WDR77: variants seen among roughly 807,000 people sequenced by gnomAD.
The protein encoded by WDR77 is methylosome protein WDR77.
In WDR77, 31 loss-of-function variants were observed where a neutral mutation model predicts 44.0. That is an observed-to-expected ratio of 0.70 (90% CI 0.53 to 0.95). The LOEUF is 0.95. Among genes scored for constraint, WDR77 ranks in the 40% least tolerant of loss-of-function variants. WDR77 has a pLI of 0.00. For synonymous variants in WDR77, 186 were observed against 165.7 expected (o/e 1.12, Z -0.94); for missense variants, 390 against 423.9 (o/e 0.92, Z 0.70).
chr1:111,449,154 G>A lies in WDR77; in HGVS notation c.16C>T (p.Pro6Ser). 4 of 1,586,240 alleles carry A rather than the reference G, an allele frequency of 2.5e-6. No homozygotes were observed. Among genetic ancestry groups the A allele is most frequent in the Non-Finnish European group, 3.4e-6 (4 of 1,172,160 alleles). MRKETPPPLVPPAARE... is the reference protein window; with the variant it reads MRKETSPPLVPPAARE... ...GCCGCCGGGGGCACTAGGGGGGGTG[G>A]GGTTTCCTTCCGCATCTCCACGGTT... is the stretch of plus-strand genomic sequence containing the variant. Residue 6 changes from proline to serine, a missense_variant, in exon 1 of 10, where the codon CCA (proline) becomes TCA (serine). Physicochemically the swap from Pro to Ser is moderately conservative, Grantham distance 74. Transcript: ENST00000235090.
chr1:111,446,051 G>A (rs771049784), intron 4 of WDR77, among the ~76,000 whole-genome samples: 4 of 152,214 alleles, frequency 2.6e-5, no homozygotes, highest in African/African-American at 4.8e-5. Context: ...GATTACAGGC[G>A]TTAAGCCACT....
chr1:111,441,225 C>A lies in WDR77; in HGVS notation c.*5G>T. 6.7e-7 allele frequency: 1 copy of A among 1,496,024 alleles called. No individual in the cohort carries two copies. Among genetic ancestry groups the A allele is most frequent in the Non-Finnish European group, 8.9e-7 (1 of 1,119,326 alleles). The allele number at this position is 1,496,024 out of a possible 1,614,324, so 92.7% of individuals were successfully genotyped here. On this transcript the variant is annotated 3_prime_UTR_variant, in exon 10 of 10. Transcript: ENST00000235090. ...GGGGGACTTGCTTTTTGTCTTAAATCCAATCTACTCAGTAACACTTGCAGG... is the reference window on the plus strand; with the variant it reads ...GGGGGACTTGCTTTTTGTCTTAAATACAATCTACTCAGTAACACTTGCAGG...
intron 2 of WDR77, 61 bp from the exon 3 acceptor site, chr1:111,447,637 C>A: frequency 6.3e-7 from 1 of 1,589,536 alleles, no homozygotes; most frequent in Non-Finnish European, 8.6e-7. Flanking sequence ...TAATTCACTT[C>A]TAGGATTCAA....
chr1:111,447,884 G>GGA (rs776017749), intron 2 of WDR77, among the ~76,000 whole-genome samples: 2 of 152,300 alleles, frequency 1.3e-5, no homozygotes, highest in African/African-American at 2.4e-5. Flanking sequence ...AGCTGCAAGG[G>GGA]GACAAGGATG....
Position 111,441,271 on chromosome 1 carries a change from C to A in WDR77, c.988G>T (p.Glu330Ter). ...HQVVHHVVPTEPLPAPGPASV... is the reference protein window; with the variant it reads ...HQVVHHVVPT The stretch of plus-strand genomic sequence containing the variant: ...GCAGGTCCAGGGGCTGGGAGAGGTT[C>A]TGTGGGCACAACGTGGTGGACGACC... The change falls in exon 10 of 10, where the codon GAA becomes TAA. Residue 330 changes from glutamate (E) to a stop codon, truncating the protein, a stop_gained. Transcript: ENST00000235090. LOFTEE classifies it high-confidence loss of function. The A allele has an allele frequency of 6.3e-7, 1 of 1,585,404 alleles. No individual in the cohort carries two copies. The highest frequency in any genetic ancestry group is 8.6e-7 in the Non-Finnish European group (1 of 1,164,986).
At position 111,444,097 on chromosome 1, in the gene WDR77, G is replaced by A; in HGVS notation, c.521C>T (p.Ala174Val). 1 of 1,613,940 alleles carries A rather than the reference G, an allele frequency of 6.2e-7. No individual in the cohort carries two copies. The highest frequency in any genetic ancestry group is 8.5e-7 in the Non-Finnish European group (1 of 1,180,014). The change falls in exon 5 of 10, where the codon GCT (alanine) becomes GTT (valine). Residue 174 changes from alanine to valine, a missense_variant. By Grantham distance (64) the Ala-to-Val change is moderately conservative (BLOSUM62 0). Transcript: ENST00000235090. Reference protein sequence around the residue: ...RAHAAQVTCVAASPHKDSVFL... With the variant: ...RAHAAQVTCVVASPHKDSVFL... ...CACAGAGTCCTTGTGAGGAGAGGCAGCAACACAAGTGACCTGAGCAGCATG... is the reference window on the plus strand; with the variant it reads ...CACAGAGTCCTTGTGAGGAGAGGCAACAACACAAGTGACCTGAGCAGCATG...
chr1:111,444,170 G>C, intron 4 of WDR77, 46 bp from the exon 5 acceptor site: 1 of 1,594,564 alleles, frequency 6.3e-7, no homozygotes, highest in East Asian at 2.2e-5. Context: ...ACAAGCTGAA[G>C]CATTACTAGA....
rs556370108 is a variant in WDR77, at chr1:111,440,904, G to A, written c.*326C>T. The A allele has an allele frequency of 9.7e-5, 17 of 174,726 alleles. No individual in the cohort carries two copies. The highest frequency in any genetic ancestry group is 2.3e-3 in the Middle Eastern group (1 of 434). The allele number at this position is 174,726 out of a possible 1,614,324, so 10.8% of individuals were successfully genotyped here. ...ATAGACAGCTACATAAAACCCTTTC[G>A]TCAACTTGTTTTGGGGGGTGAGAGA... On this transcript the variant is annotated 3_prime_UTR_variant, in exon 10 of 10. Coordinates refer to ENST00000235090, the MANE Select transcript of WDR77 (RefSeq NM_024102.4).
chr1:111,448,700 A>AG lies in WDR77; in HGVS notation c.219dup (p.Ser74LeufsTer12). 1 of 1,614,162 alleles carries AG rather than the reference A, an allele frequency of 6.2e-7. No individual in the cohort carries two copies. Among genetic ancestry groups the AG allele is most frequent in the Non-Finnish European group, 8.5e-7 (1 of 1,180,026 alleles). On this transcript the variant is annotated frameshift_variant, in exon 2 of 10. Coordinates refer to ENST00000235090, the MANE Select transcript of WDR77 (RefSeq NM_024102.4). LOFTEE classifies it high-confidence loss of function. ...CCAGCCTCCGTTTGGACTCCGGCGGAGCAGAAGCCTTCGTTGGGGGCGGCA... is the reference window on the plus strand; with the variant it reads ...CCAGCCTCCGTTTGGACTCCGGCGGAGGCAGAAGCCTTCGTTGGGGGCGGCA...
In WDR77 at chr1:111,441,116, C is replaced by T; in HGVS notation, c.*114G>A. On this transcript the variant is annotated 3_prime_UTR_variant, in exon 10 of 10. Coordinates refer to ENST00000235090, the MANE Select transcript of WDR77 (RefSeq NM_024102.4). The stretch of plus-strand genomic sequence containing the variant: ...TGAGAGACGATGCCTATTAACGGCA[C>T]AGATCTAGCATATCAACATACTATA... 1 of 1,165,104 alleles carries T rather than the reference C, an allele frequency of 8.6e-7. No individual in the cohort carries two copies. Among genetic ancestry groups the T allele is most frequent in the Non-Finnish European group, 1.1e-6 (1 of 889,456 alleles). The allele number at this position is 1,165,104 out of a possible 1,614,324, so 72.2% of individuals were successfully genotyped here. A position where few individuals can be genotyped will look rare whatever the true frequency, so the allele number is the denominator to read the frequency against.
chr1:111,447,675 T>A, intron 2 of WDR77, 99 bp from the exon 3 acceptor site: 1 of 1,425,398 alleles, frequency 7.0e-7, no homozygotes, highest in Non-Finnish European at 9.8e-7. Flanking sequence ...ATTAACAAAG[T>A]AAGTTAGTTA....
chr1:111,444,045 A>G lies in WDR77; in HGVS notation c.564+9T>C. ...GAGTGTGTTTAGGGAAGAAGGAGCT[A>G]TCTCTTACCTCGCTGCATGAAAGAA... On this transcript the variant is annotated intron_variant, in intron 5 of 9. Coordinates refer to ENST00000235090, the MANE Select transcript of WDR77 (RefSeq NM_024102.4). 6.2e-7 allele frequency: 1 copy of G among 1,614,164 alleles called. No homozygotes were observed. Among genetic ancestry groups the G allele is most frequent in the Non-Finnish European group, 8.5e-7 (1 of 1,180,014 alleles).
Position 111,448,786 on chromosome 1 carries a change from C to G in WDR77, c.134G>C (p.Gly45Ala). 6.3e-7 allele frequency: 1 copy of G among 1,589,502 alleles called. No homozygotes were observed. Among genetic ancestry groups the G allele is most frequent in the Non-Finnish European group, 8.6e-7 (1 of 1,167,224 alleles). Residue 45 changes from glycine (G) to alanine (A), a missense_variant, in exon 2 of 10, where the codon GGG becomes GCG. By Grantham distance (60) the Gly-to-Ala change is moderately conservative. Coordinates refer to ENST00000235090, the MANE Select transcript of WDR77 (RefSeq NM_024102.4). ...RYRSDGALLL[G>A]ASSLSGRCWA... ...GCAGCGCCCACTCAGGCTGGAGGCCCCGAGGAGAAGCGCCCCATCTACGGG... is the reference window on the plus strand; with the variant it reads ...GCAGCGCCCACTCAGGCTGGAGGCCGCGAGGAGAAGCGCCCCATCTACGGG...
At position 111,440,193 on chromosome 1, in the gene WDR77, A is replaced by G. The variant is rs996730652; in HGVS notation, c.*1037T>C. Reference sequence around the variant, plus strand: ...GGAAGCACAGGAAAAATAATGGGCTACAAGACCAACACCATGATGACTCAC... The same window carrying G: ...GGAAGCACAGGAAAAATAATGGGCTGCAAGACCAACACCATGATGACTCAC... On this transcript the variant is annotated 3_prime_UTR_variant, in exon 10 of 10. Coordinates refer to ENST00000235090, the MANE Select transcript of WDR77 (RefSeq NM_024102.4). The G allele has an allele frequency of 6.6e-5, 10 of 152,240 alleles. No individual in the cohort carries two copies. Among genetic ancestry groups the G allele is most frequent in the African/African-American group, 2.4e-4 (10 of 41,450 alleles). 9.4% of individuals were successfully genotyped at this position (152,240 alleles called of 1,614,324 possible).
chr1:111,447,881 A>G (rs909554128), intron 2 of WDR77, among the ~76,000 whole-genome samples: 2 of 152,362 alleles, frequency 1.3e-5, no homozygotes, highest in African/African-American at 2.4e-5. Flanking sequence ...ATGAGCTGCA[A>G]GGGGACAAGG....
At position 111,443,642 on chromosome 1, in the gene WDR77, C is replaced by T. The variant is rs1652904489; in HGVS notation, c.619+225G>A. ...TAACAATTCTGGCCCCTTTGTCCTA[C>T]CATCTAATAAAGTAAATCACCCACC... On this transcript the variant is annotated intron_variant, in intron 6 of 9. Transcript: ENST00000235090. The T allele has an allele frequency of 6.1e-6, 6 of 984,898 alleles. No homozygotes were observed. In the South Asian group the frequency reaches 2.3e-4, roughly 39 times the overall value. The allele number at this position is 984,898 out of a possible 1,614,324, so 61.0% of individuals were successfully genotyped here.
At chr1:111,448,198 A>AT (rs11427738) in intron 2 of WDR77, among the ~76,000 whole-genome samples, 28,724 of 150,790 alleles carry the variant, frequency 0.19, 4,064 homozygotes, top group East Asian at 0.43. Flanking sequence ...AAAAAAAAAA[A>AT]GCCAAAGCCT....
At position 111,443,369 on chromosome 1, in the gene WDR77, A is replaced by G; in HGVS notation, c.645T>C (p.Pro215=). Residue 215 remains proline (P), a synonymous_variant, in exon 7 of 10, where the codon CCT becomes CCC. Transcript: ENST00000235090. ...QIGCSAPGYL[P]TSLAWHPQQS... is the part of the protein sequence containing the mutation. Reference sequence around the variant, plus strand: ...GCTGAGGATGCCAAGCCAGCGAGGTAGGAAGGTAGCCAGGCGCACTGCAGC... The same window carrying G: ...GCTGAGGATGCCAAGCCAGCGAGGTGGGAAGGTAGCCAGGCGCACTGCAGC... 6.4e-7 allele frequency: 1 copy of G among 1,552,464 alleles called. No homozygotes were observed. The highest frequency in any genetic ancestry group is 8.7e-7 in the Non-Finnish European group (1 of 1,147,320).
At chr1:111,448,185 T>A (rs1264900) in intron 2 of WDR77, among the ~76,000 whole-genome samples, 80,919 of 147,222 alleles carry the variant, frequency 0.55, 23,118 homozygotes, top group East Asian at 0.75. Flanking sequence ...ATTCTGATTT[T>A]AAAAAAAAAA....
Sources: allele counts gnomAD v4.1 joint callset (sites outside exome capture counted in the v4.1 genomes callset), GRCh38; gene constraint gnomAD v4.1.1; transcripts MANE v1.5; gene names NCBI Gene and HGNC (gene_info 2026-07-23, HGNC 2026-07-21).